The following RAP1GDS1 variants were observed in gnomAD, a reference collection of about 807,000 sequenced individuals.
The protein encoded by RAP1GDS1 is RAP1, GTP-GDP dissociation stimulator 1.
RAP1GDS1 carries 35 observed loss-of-function variants against 71.1 expected under a neutral mutation model. That is an observed-to-expected ratio of 0.49 (90% CI 0.38 to 0.65). The LOEUF is 0.65. Among genes scored for constraint, RAP1GDS1 ranks in the 30% least tolerant of loss-of-function variants. The pLI is 0.00. For missense variants in RAP1GDS1, 663 were observed against 706.1 expected, an observed-to-expected ratio of 0.94 and a Z score of 0.69; for synonymous variants, 229 against 243.1, an observed-to-expected ratio of 0.94 and a Z score of 0.54.
At chr4:98,402,976 T>C (rs1398270786) in intron 6 of RAP1GDS1, among the ~76,000 whole-genome samples, 1 of 151,860 alleles carries the variant, frequency 6.6e-6, no homozygotes, top group African/African-American at 2.4e-5. Flanking sequence ...AGTAATAGAG[T>C]AAGGTAAGGG....
chr4:98,343,396 T>C (rs767364700), intron 3 of RAP1GDS1, 135 bp downstream of exon 3: 26 of 1,133,024 alleles, frequency 2.3e-5, no homozygotes, highest in Non-Finnish European at 3.1e-5. Context: ...TTTGTTTGAC[T>C]CTTCATGTAA....
At chr4:98,333,018 C>T (rs1734214084) in intron 2 of RAP1GDS1, among the ~76,000 whole-genome samples, 1 of 152,052 alleles carries the variant, frequency 6.6e-6, no homozygotes, top group African/African-American at 2.4e-5. Flanking sequence ...AATAACGCAC[C>T]ATCTTTAGGT....
chr4:98,315,469 A>G (rs989803874), intron 2 of RAP1GDS1, among the ~76,000 whole-genome samples: 1 of 152,164 alleles, frequency 6.6e-6, no homozygotes, highest in African/African-American at 2.4e-5. Context: ...AGCAGAACCA[A>G]GGAATGCTGA....
intron 2 of RAP1GDS1, among the ~76,000 whole-genome samples, chr4:98,296,744 A>G (rs1468631770): frequency 6.6e-6 from 1 of 152,158 alleles, no homozygotes; most frequent in African/African-American, 2.4e-5. Flanking sequence ...GAAATGTAAA[A>G]CAATAGGCCA....
intron 1 of RAP1GDS1, among the ~76,000 whole-genome samples, chr4:98,280,042 T>A: frequency 6.6e-6 from 1 of 152,228 alleles, no homozygotes; most frequent in Non-Finnish European, 1.5e-5. Flanking sequence ...CAGTCTTTGC[T>A]ATTGTGAATA....
intron 4 of RAP1GDS1, among the ~76,000 whole-genome samples, chr4:98,354,755 C>G (rs890682852): frequency 2.0e-5 from 3 of 151,634 alleles, no homozygotes; most frequent in African/African-American, 7.3e-5. Flanking sequence ...CCAACTTATC[C>G]TCATTTAGTT....
At chr4:98,412,586 A>G (rs985184985) in intron 7 of RAP1GDS1, among the ~76,000 whole-genome samples, 1 of 152,190 alleles carries the variant, frequency 6.6e-6, no homozygotes, top group African/African-American at 2.4e-5. Flanking sequence ...AGGAGTATCA[A>G]CTACACTCAA....
intron 6 of RAP1GDS1, 88 bp downstream of exon 6, chr4:98,392,168 C>G: frequency 8.1e-7 from 1 of 1,228,822 alleles, no homozygotes; most frequent in Non-Finnish European, 1.1e-6. Context: ...AGCTAGAAAT[C>G]CATTTAGATT....
At chr4:98,408,818 C>A (rs1458570599) in intron 7 of RAP1GDS1, among the ~76,000 whole-genome samples, 1 of 152,046 alleles carries the variant, frequency 6.6e-6, no homozygotes, top group Admixed American at 6.5e-5. Flanking sequence ...TTAAAAAAAG[C>A]TTTTCATAAA....
At chr4:98,388,713 G>A (rs570341763) in intron 5 of RAP1GDS1, among the ~76,000 whole-genome samples, 3 of 152,262 alleles carry the variant, frequency 2.0e-5, no homozygotes, top group African/African-American at 4.8e-5. Flanking sequence ...GCAACAGAGT[G>A]AGACTTCGTC....
chr4:98,395,188 T>A (rs1382729792), intron 6 of RAP1GDS1, among the ~76,000 whole-genome samples: 2 of 152,182 alleles, frequency 1.3e-5, no homozygotes, highest in Non-Finnish European at 1.5e-5. Flanking sequence ...ATAGTTCAAA[T>A]AGTTTAATTT....
chr4:98,345,906 G>A (rs1254780631), intron 3 of RAP1GDS1, among the ~76,000 whole-genome samples: 2 of 152,136 alleles, frequency 1.3e-5, no homozygotes, highest in African/African-American at 4.8e-5. Flanking sequence ...TGAAAGATTG[G>A]GCTGGTAACT....
rs79592085 is a variant in RAP1GDS1 at position 98,433,003 on chromosome 4, A to G, written c.1441-933A>G. On this transcript the variant is annotated intron_variant, in intron 12 of 14. Transcript: ENST00000408927. Reference sequence around the variant, plus strand: ...TATATACTTACATCATTCCAGTGACATGGAGATAGTACTGAGGTAAGAGAG... The same window carrying G: ...TATATACTTACATCATTCCAGTGACGTGGAGATAGTACTGAGGTAAGAGAG... Among the ~76,000 whole-genome samples, 1,139 of 152,228 alleles carry G rather than the reference A, an allele frequency of 7.5e-3. 14 individuals are homozygous for G. The highest frequency in any genetic ancestry group is 0.026 in the African/African-American group (1,089 of 41,520).
intron 2 of RAP1GDS1, among the ~76,000 whole-genome samples, chr4:98,330,615 C>T (rs1214417033): frequency 6.7e-6 from 1 of 148,374 alleles, no homozygotes; most frequent in Non-Finnish European, 1.5e-5. Context: ...CCCCACATCC[C>T]AGACGATGGG....
intron 12 of RAP1GDS1, among the ~76,000 whole-genome samples, chr4:98,423,644 A>C (rs796910049): frequency 5.3e-5 from 8 of 152,198 alleles, no homozygotes; most frequent in African/African-American, 1.9e-4. Flanking sequence ...TCCCGGGATC[A>C]AGTGATTCTC....
chr4:98,333,265 C>T (rs965047020), intron 2 of RAP1GDS1, among the ~76,000 whole-genome samples: 5 of 151,848 alleles, frequency 3.3e-5, no homozygotes, highest in Admixed American at 1.3e-4. Context: ...ATGCTTTCAT[C>T]GAAAACACAT....
At chr4:98,350,428 C>G (rs906140659) in intron 3 of RAP1GDS1, among the ~76,000 whole-genome samples, 6 of 152,078 alleles carry the variant, frequency 3.9e-5, no homozygotes, top group Non-Finnish European at 7.4e-5. Context: ...AAATCTAGTC[C>G]AGGCCTGGTG....
At chr4:98,400,724 T>C (rs951417352) in intron 6 of RAP1GDS1, among the ~76,000 whole-genome samples, 2 of 152,138 alleles carry the variant, frequency 1.3e-5, no homozygotes, top group Admixed American at 1.3e-4. Flanking sequence ...GGGGAGGATA[T>C]TGAATGTTTC....
Position 98,336,873 on chromosome 4 carries a change from G to GT in RAP1GDS1, c.113-6258dup, listed in dbSNP as rs200937934. ...TTTCTCTTCTGTGTTTTCATTCTGG[G>GT]TTTTTTTTGTTTTGTTTTGTTTTGT... On this transcript the variant is annotated intron_variant, in intron 2 of 14. Transcript: ENST00000408927. Among the ~76,000 whole-genome samples the GT allele has an allele frequency of 2.7e-3, 404 of 151,202 alleles. 1 individual carries two copies. Among genetic ancestry groups the GT allele is most frequent in the Middle Eastern group, 0.01 (3 of 292 alleles).
Sources: allele counts gnomAD v4.1 joint callset (sites outside exome capture counted in the v4.1 genomes callset), GRCh38; gene constraint gnomAD v4.1.1; transcripts MANE v1.5; gene names NCBI Gene and HGNC (gene_info 2026-07-23, HGNC 2026-07-21).